FHIT: variants seen among roughly 807,000 people sequenced by gnomAD.
The protein encoded by FHIT is fragile histidine triad diadenosine triphosphatase.
In FHIT, 19 loss-of-function variants were observed where a neutral mutation model predicts 17.9. The observed-to-expected ratio is 1.06, with a 90% confidence interval of 0.74 to 1.56. FHIT has a LOEUF of 1.56. FHIT is among the 40% of genes most tolerant of loss of function. FHIT has a pLI of 0.00. For missense variants in FHIT, 248 were observed against 189.2 expected (o/e 1.31, Z -1.82); for synonymous variants, 81 against 69.7 (o/e 1.16, Z -0.81).
At chr3:59,954,660 C>T (rs1292750449) in intron 7 of FHIT, among the ~76,000 whole-genome samples, 2 of 152,174 alleles carry the variant, frequency 1.3e-5, no homozygotes, top group Non-Finnish European at 2.9e-5. Context: ...CAAAGCTTTG[C>T]TAAATGAATG....
At chr3:60,149,985 CCTTTTTTTTTT>C (rs1314622410) in intron 5 of FHIT, among the ~76,000 whole-genome samples, 13 of 50,934 alleles carry the variant, frequency 2.6e-4, no homozygotes, top group East Asian at 1.0e-3. Flanking sequence ...AACCTTTAAG[CCTTTTTTTTTT>C]TTTTTTTTTT....
In FHIT at chr3:60,497,876, A is replaced by G. The variant is rs533682122; in HGVS notation, c.103+38984T>C. 4.2e-4 allele frequency among the ~76,000 whole-genome samples: 64 copies of G among 152,328 alleles called. 1 individual carries two copies. The South Asian group carries it at 0.012, about 28-fold the overall frequency. ...CCTCATGGGTTTCAGTAGTTCCTAC[A>G]AACAACTTTGAGATCAACCAGTGCA... On this transcript the variant is annotated intron_variant, in intron 5 of 9. Coordinates refer to ENST00000492590, the MANE Select transcript of FHIT (RefSeq NM_002012.4).
At chr3:60,497,897 G>A (rs1312056384) in intron 5 of FHIT, among the ~76,000 whole-genome samples, 1 of 152,136 alleles carries the variant, frequency 6.6e-6, no homozygotes, top group Non-Finnish European at 1.5e-5. Context: ...AGATCAACCA[G>A]TGCATAATTT....
At chr3:59,865,088 T>G (rs553293300) in intron 8 of FHIT, among the ~76,000 whole-genome samples, 1 of 152,324 alleles carries the variant, frequency 6.6e-6, no homozygotes, top group Admixed American at 6.5e-5. Flanking sequence ...TTTCAAATTA[T>G]GTACTTCATC....
rs560533334 is a variant in FHIT, at chr3:61,170,205, A to T, written c.-164+30412T>A. Among the ~76,000 whole-genome samples the T allele has an allele frequency of 4.6e-5, 7 of 152,244 alleles. No homozygotes were observed. The South Asian group carries it at 1.2e-3, about 27-fold the overall frequency. ...AATTCAATAAATCTTGTCCTCAAGG[A>T]ATTTACAATCCACTGAAAAGAGATA... On this transcript the variant is annotated intron_variant, in intron 2 of 9. Coordinates refer to ENST00000492590, the MANE Select transcript of FHIT (RefSeq NM_002012.4).
intron 5 of FHIT, among the ~76,000 whole-genome samples, chr3:60,485,680 G>A (rs1369941766): frequency 6.6e-6 from 1 of 151,604 alleles, no homozygotes; most frequent in Middle Eastern, 3.2e-3. Context: ...AGGGAACTTA[G>A]ACAACAGGTC....
chr3:60,333,900 C>G (rs1710111176), intron 5 of FHIT, among the ~76,000 whole-genome samples: 1 of 152,134 alleles, frequency 6.6e-6, no homozygotes, highest in African/African-American at 2.4e-5. Context: ...CCTAACAGAC[C>G]ACCTGCTTCC....
chr3:60,551,349 G>A (rs915179735), intron 4 of FHIT, among the ~76,000 whole-genome samples: 3 of 146,424 alleles, frequency 2.0e-5, no homozygotes, highest in Middle Eastern at 7.0e-3. Context: ...ATCTCAGGAC[G>A]CCTGGTGTGG....
intron 1 of FHIT, among the ~76,000 whole-genome samples, chr3:61,214,426 C>A (rs551767900): frequency 6.6e-6 from 1 of 152,162 alleles, no homozygotes; most frequent in South Asian, 2.1e-4. Flanking sequence ...ATAAATTCCT[C>A]GACACATACA....
At chr3:60,323,277 C>T (rs982038426) in intron 5 of FHIT, among the ~76,000 whole-genome samples, 5 of 152,038 alleles carry the variant, frequency 3.3e-5, no homozygotes, top group Non-Finnish European at 7.4e-5. Flanking sequence ...TAACGTCAAG[C>T]GTCTAAGTGC....
At chr3:59,804,712 A>T (rs1208260140) in intron 8 of FHIT, among the ~76,000 whole-genome samples, 1 of 152,188 alleles carries the variant, frequency 6.6e-6, no homozygotes, top group African/African-American at 2.4e-5. Flanking sequence ...CTCAAGTGTG[A>T]ATCAGCCTTA....
chr3:59,767,695 A>G (rs1203520277), intron 8 of FHIT, among the ~76,000 whole-genome samples: 3 of 152,194 alleles, frequency 2.0e-5, no homozygotes, highest in Non-Finnish European at 4.4e-5. Context: ...CAATGTGCTC[A>G]GTGCCAAGTA....
At chr3:60,289,093 C>T (rs1225020450) in intron 5 of FHIT, among the ~76,000 whole-genome samples, 3 of 152,026 alleles carry the variant, frequency 2.0e-5, no homozygotes, top group Non-Finnish European at 4.4e-5. Flanking sequence ...TGGGGTTCAC[C>T]GGACCCTGGA....
At chr3:60,284,898 A>G (rs1031933051) in intron 5 of FHIT, among the ~76,000 whole-genome samples, 13 of 152,160 alleles carry the variant, frequency 8.5e-5, no homozygotes, top group Non-Finnish European at 1.5e-4. Flanking sequence ...CTAAAAGAAC[A>G]TATCTGTGTT....
At chr3:61,096,273 CTAAT>C (rs576995765) in intron 2 of FHIT, among the ~76,000 whole-genome samples, 42 of 152,284 alleles carry the variant, frequency 2.8e-4, no homozygotes, top group East Asian at 1.2e-3. Context: ...TGCAAAGTGT[CTAAT>C]TGATTGTGTG....
At chr3:60,502,857 T>C (rs1227664380) in intron 5 of FHIT, among the ~76,000 whole-genome samples, 1 of 152,196 alleles carries the variant, frequency 6.6e-6, no homozygotes, top group Non-Finnish European at 1.5e-5. Context: ...GAAAGGAAGA[T>C]GGTCAAGCCT....
intron 7 of FHIT, among the ~76,000 whole-genome samples, chr3:60,008,305 G>T (rs1216836548): frequency 6.6e-6 from 1 of 152,134 alleles, no homozygotes; most frequent in African/African-American, 2.4e-5. Flanking sequence ...TAATCACCTT[G>T]TGGATGGCAG....
chr3:60,457,518 T>C (rs1015922647), intron 5 of FHIT, among the ~76,000 whole-genome samples: 3 of 152,094 alleles, frequency 2.0e-5, no homozygotes, highest in African/African-American at 7.2e-5. Flanking sequence ...GACATAGGCA[T>C]GGGCAAGGAC....
intron 5 of FHIT, among the ~76,000 whole-genome samples, chr3:60,265,023 A>C (rs1576390624): frequency 6.6e-6 from 1 of 151,732 alleles, no homozygotes. Context: ...CTTGGGGGTG[A>C]TATCACTCCC....
Sources: gnomAD v4.1 joint callset for allele counts (sites outside exome capture counted in the v4.1 genomes callset) on GRCh38, gnomAD v4.1.1 for gene constraint, MANE v1.5 for transcripts, NCBI Gene and HGNC (gene_info 2026-07-23, HGNC 2026-07-21) for gene names.